The following HMGA2 variants were observed in gnomAD, a reference collection of about 807,000 sequenced individuals.
The protein encoded by HMGA2 is high mobility group protein HMGI-C.
HMGA2 carries 8 observed loss-of-function variants against 19.1 expected under a neutral mutation model. The observed-to-expected ratio is 0.42, with a 90% CI of 0.25 to 0.76. HMGA2 has a LOEUF of 0.76. HMGA2 is among the 30% of genes least tolerant of loss of function. The pLI is 0.28. For synonymous variants in HMGA2, 60 were observed against 48.8 expected, an observed-to-expected ratio of 1.23 and a Z score of -0.96; for missense variants, 109 against 136.3, an observed-to-expected ratio of 0.80 and a Z score of 1.00.
At chr12:65,937,387 C>T (rs962596348) in intron 3 of HMGA2, among the ~76,000 whole-genome samples, 2 of 152,004 alleles carry the variant, frequency 1.3e-5, no homozygotes, top group Non-Finnish European at 2.9e-5. Flanking sequence ...GGGCAGCAGA[C>T]GGCCCCAAGC....
At chr12:65,876,050 G>A (rs1873004921) in intron 3 of HMGA2, among the ~76,000 whole-genome samples, 2 of 151,912 alleles carry the variant, frequency 1.3e-5, no homozygotes, top group South Asian at 4.2e-4. Flanking sequence ...TCTCTTTGTT[G>A]ATGTCTTCAG....
rs184637679 is a variant in HMGA2 at position 65,888,816 on chromosome 12, G to A, written c.249+50247G>A. On this transcript the variant is annotated intron_variant, in intron 3 of 4. Coordinates refer to ENST00000403681, the MANE Select transcript of HMGA2 (RefSeq NM_003483.6). The stretch of plus-strand genomic sequence containing the variant: ...CTGACCTCGTGATCCGCCCGCCTCG[G>A]CCTTCCAAAGTGCTGGGATTACAGG... Among the ~76,000 whole-genome samples the A allele has an allele frequency of 1.5e-3, 231 of 150,392 alleles. 2 individuals carry two copies. In the South Asian group the frequency reaches 0.02, roughly 13 times the overall value.
intron 4 of HMGA2, chr12:65,955,969 T>C (rs528221741): frequency 6.6e-6 from 1 of 152,274 alleles, no homozygotes; most frequent in African/African-American, 2.4e-5. Flanking sequence ...AGTTGATGAA[T>C]TGCAGTCAGC....
chr12:65,918,927 T>C (rs910598637), intron 3 of HMGA2, among the ~76,000 whole-genome samples: 1 of 152,224 alleles, frequency 6.6e-6, no homozygotes, highest in African/African-American at 2.4e-5. Context: ...ACCAGTGGGC[T>C]GACTACAATT....
rs187621885 is a variant in HMGA2, at chr12:65,824,546, C to G, written c.-725C>G. On this transcript the variant is annotated 5_prime_UTR_variant, in exon 1 of 5. Transcript: ENST00000403681. ...GACTCAGGAGCTAGCAGCCCGTCCC[C>G]CTCCGACTCTCCGGTGCCGCCGCTG... 4.3e-6 allele frequency: 1 copy of G among 233,538 alleles called. No individual in the cohort carries two copies. The highest frequency in any genetic ancestry group is 6.1e-5 in the East Asian group (1 of 16,518). 14.5% of individuals were successfully genotyped at this position (233,538 alleles called of 1,614,324 possible).
intron 3 of HMGA2, among the ~76,000 whole-genome samples, chr12:65,895,437 G>C (rs992405487): frequency 2.0e-5 from 3 of 152,032 alleles, no homozygotes; most frequent in African/African-American, 4.8e-5. Flanking sequence ...AAAAGCCTTT[G>C]TACCTAAAGG....
At chr12:65,836,322 G>A (rs1870722147) in intron 2 of HMGA2, among the ~76,000 whole-genome samples, 1 of 150,738 alleles carries the variant, frequency 6.6e-6, no homozygotes, top group African/African-American at 2.5e-5. Context: ...CCGCGTCACT[G>A]CACTCCAGCC....
intron 3 of HMGA2, among the ~76,000 whole-genome samples, chr12:65,887,307 G>C (rs1236076201): frequency 6.6e-6 from 1 of 152,146 alleles, no homozygotes; most frequent in Non-Finnish European, 1.5e-5. Context: ...TTATACTTAG[G>C]CTAGGCACAG....
intron 3 of HMGA2, among the ~76,000 whole-genome samples, chr12:65,886,651 CCGG>C (rs1873671314): frequency 6.6e-6 from 1 of 152,132 alleles, no homozygotes. Context: ...GACACAACGC[CCGG>C]CGGGGAGCTT....
intron 3 of HMGA2, among the ~76,000 whole-genome samples, chr12:65,945,082 C>T (rs1009464919): frequency 1.5e-4 from 22 of 151,250 alleles, no homozygotes; most frequent in South Asian, 8.4e-4. Flanking sequence ...TCCAGTTTTT[C>T]GTTGAGGGGC....
chr12:65,865,722 T>TCTC (rs1291714033), intron 3 of HMGA2, among the ~76,000 whole-genome samples: 1 of 150,158 alleles, frequency 6.7e-6, no homozygotes, highest in Non-Finnish European at 1.5e-5. Context: ...GCAAACTCCG[T>TCTC]CTCCCAGGTT....
chr12:65,917,700 A>G (rs879867197), intron 3 of HMGA2, among the ~76,000 whole-genome samples: 3 of 152,212 alleles, frequency 2.0e-5, no homozygotes, highest in Non-Finnish European at 4.4e-5. Context: ...AAGAACTGAA[A>G]AAGGCTGGAG....
intron 3 of HMGA2, among the ~76,000 whole-genome samples, chr12:65,933,938 C>G (rs1177729217): frequency 3.9e-5 from 6 of 152,156 alleles, no homozygotes; most frequent in African/African-American, 1.4e-4. Flanking sequence ...TGCCCTGGGA[C>G]AGAGTATGCC....
intron 3 of HMGA2, among the ~76,000 whole-genome samples, chr12:65,917,377 T>C (rs946883746): frequency 6.6e-6 from 1 of 151,914 alleles, no homozygotes; most frequent in Admixed American, 6.6e-5. Context: ...TAAAAGCAAA[T>C]GACAAAAGCT....
At position 65,933,433 on chromosome 12, in the gene HMGA2, C is replaced by T. The variant is rs144732606; in HGVS notation, c.250-17950C>T. Among the ~76,000 whole-genome samples the T allele has an allele frequency of 1.3e-3, 196 of 152,210 alleles. 1 individual carries two copies. Among genetic ancestry groups the T allele is most frequent in the African/African-American group, 4.3e-3 (180 of 41,530 alleles). On this transcript the variant is annotated intron_variant, in intron 3 of 4. Transcript: ENST00000403681. ...TAATATTTTGTCCTTTAAGCATAAG[C>T]GATGTTGCAAAGCACCCCTTTAATT... is the stretch of plus-strand genomic sequence containing the variant.
chr12:65,885,749 A>C (rs1195047016), intron 3 of HMGA2, among the ~76,000 whole-genome samples: 1 of 152,214 alleles, frequency 6.6e-6, no homozygotes, highest in Non-Finnish European at 1.5e-5. Flanking sequence ...ATTTTTGTCC[A>C]AATAATAACA....
intron 3 of HMGA2, among the ~76,000 whole-genome samples, chr12:65,908,403 A>G (rs936371277): frequency 6.6e-6 from 1 of 152,170 alleles, no homozygotes; most frequent in East Asian, 1.9e-4. Flanking sequence ...ACATTCCAAC[A>G]TCTCTAGATT....
At chr12:65,934,948 A>G (rs1039146339) in intron 3 of HMGA2, 1 of 152,312 alleles carries the variant, frequency 6.6e-6, no homozygotes, top group Non-Finnish European at 1.5e-5. Flanking sequence ...TGGTCAGAGC[A>G]GAAGGTGCAG....
At chr12:65,910,142 C>T (rs945578109) in intron 3 of HMGA2, among the ~76,000 whole-genome samples, 1 of 152,124 alleles carries the variant, frequency 6.6e-6, no homozygotes, top group East Asian at 1.9e-4. Flanking sequence ...TGTCCACCTC[C>T]CCTCTTTGTG....
Sources: allele counts gnomAD v4.1 joint callset (sites outside exome capture counted in the v4.1 genomes callset), GRCh38; gene constraint gnomAD v4.1.1; transcripts MANE v1.5; gene names NCBI Gene and HGNC (gene_info 2026-07-23, HGNC 2026-07-21).